The following CDK8 variants were observed in gnomAD, a reference collection of about 807,000 sequenced individuals.
CDK8 encodes cyclin dependent kinase 8.
CDK8 carries 29 observed loss-of-function variants against 71.5 expected under a neutral mutation model. The observed-to-expected ratio is 0.41, with a 90% CI of 0.30 to 0.55. The LOEUF (loss-of-function observed/expected upper bound fraction) is 0.55, where lower values mean the gene tolerates loss of function less well. CDK8 is among the 20% of genes least tolerant of loss of function. The pLI is 0.37. For synonymous variants in CDK8, 161 were observed against 192.1 expected (o/e 0.84, Z 1.34); for missense variants, 288 against 572.6 (o/e 0.50, Z 5.07).
At chr13:26,302,895 T>A (rs1873883180) in intron 1 of CDK8, among the ~76,000 whole-genome samples, 1 of 152,158 alleles carries the variant, frequency 6.6e-6, no homozygotes. Flanking sequence ...AGAGCTGGGA[T>A]CTTGCTTACT....
At chr13:26,286,826 A>G (rs941663119) in intron 1 of CDK8, among the ~76,000 whole-genome samples, 3 of 152,204 alleles carry the variant, frequency 2.0e-5, no homozygotes, top group Non-Finnish European at 4.4e-5. Flanking sequence ...CAATCCCATC[A>G]AAAAGTGGGC....
intron 1 of CDK8, among the ~76,000 whole-genome samples, chr13:26,255,075 C>A (rs541005672): frequency 6.6e-6 from 1 of 151,626 alleles, no homozygotes; most frequent in South Asian, 2.1e-4. Context: ...TCTAAAACGC[C>A]GGGTTAAATG....
intron 1 of CDK8, among the ~76,000 whole-genome samples, chr13:26,303,927 G>T (rs568313147): frequency 1.1e-4 from 17 of 152,048 alleles, no homozygotes; most frequent in Non-Finnish European, 2.5e-4. Context: ...TTTGATGTTT[G>T]CCATGGTGTA....
chr13:26,349,442 T>G lies in CDK8; in HGVS notation c.315+260T>G, dbSNP rs9581648. 6.8e-3 allele frequency among the ~76,000 whole-genome samples: 1,036 copies of G among 152,328 alleles called. 8 individuals carry two copies. The highest frequency in any genetic ancestry group is 0.024 in the Middle Eastern group (7 of 294). On this transcript the variant is annotated intron_variant, in intron 3 of 12. Transcript: ENST00000381527. ...TGTTCAACAACTATTCAATATTGCT[T>G]CATATAGTTTTTTGATAAAATAAAA...
At chr13:26,386,292 C>T (rs1875472405) in intron 6 of CDK8, among the ~76,000 whole-genome samples, 1 of 152,184 alleles carries the variant, frequency 6.6e-6, no homozygotes, top group African/African-American at 2.4e-5. Context: ...CTTTCACCAT[C>T]GCTTGTCCAT....
At chr13:26,385,081 G>C (rs192578904) in intron 5 of CDK8, 130 bp from the exon 6 acceptor site, 33 of 704,438 alleles carry the variant, frequency 4.7e-5, no homozygotes, top group Non-Finnish European at 7.3e-5. Flanking sequence ...TAAAATGGAT[G>C]TTTTGTGGGT....
At chr13:26,318,937 A>G (rs1401440199) in intron 1 of CDK8, among the ~76,000 whole-genome samples, 3 of 152,206 alleles carry the variant, frequency 2.0e-5, no homozygotes, top group Non-Finnish European at 4.4e-5. Flanking sequence ...ACTTCTGTGC[A>G]TTATAGTACT....
At chr13:26,368,642 C>T (rs1472238397) in intron 4 of CDK8, among the ~76,000 whole-genome samples, 1 of 152,150 alleles carries the variant, frequency 6.6e-6, no homozygotes, top group East Asian at 1.9e-4. Context: ...GACTTATTCA[C>T]TAATACAGTG....
At chr13:26,291,139 G>C (rs1346698325) in intron 1 of CDK8, among the ~76,000 whole-genome samples, 2 of 149,236 alleles carry the variant, frequency 1.3e-5, no homozygotes, top group African/African-American at 4.9e-5. Flanking sequence ...AAAAAATTCT[G>C]CATGTTTAGG....
intron 4 of CDK8, among the ~76,000 whole-genome samples, chr13:26,374,270 AAAG>A (rs67924458): frequency 0.048 from 7,256 of 152,082 alleles, 236 homozygotes; most frequent in South Asian, 0.069. Context: ...ATTTCACAAT[AAAG>A]AAGGGCCTTG....
intron 2 of CDK8, among the ~76,000 whole-genome samples, chr13:26,340,649 A>G (rs1873201194): frequency 6.6e-6 from 1 of 152,188 alleles, no homozygotes; most frequent in South Asian, 2.1e-4. Flanking sequence ...CGTCCCCAGC[A>G]TTCACCTCCA....
intron 9 of CDK8, among the ~76,000 whole-genome samples, chr13:26,398,833 A>G (rs112236234): frequency 0.02 from 3,031 of 151,850 alleles, 92 homozygotes; most frequent in African/African-American, 0.066. Context: ...GTGTGGTGGT[A>G]CATGCCTGTA....
intron 1 of CDK8, among the ~76,000 whole-genome samples, chr13:26,289,636 C>T (rs1011322445): frequency 1.2e-4 from 18 of 151,918 alleles, no homozygotes; most frequent in African/African-American, 3.9e-4. Context: ...CTGCAAGCTC[C>T]GCCTCCCGGG....
At chr13:26,340,462 T>A (rs1011361248) in intron 2 of CDK8, among the ~76,000 whole-genome samples, 4 of 150,240 alleles carry the variant, frequency 2.7e-5, no homozygotes, top group Admixed American at 6.6e-5. Flanking sequence ...ATAAATAAAT[T>A]AAGTTTGTCT....
intron 1 of CDK8, among the ~76,000 whole-genome samples, chr13:26,267,072 A>C (rs932853869): frequency 2.0e-5 from 3 of 152,218 alleles, no homozygotes; most frequent in African/African-American, 4.8e-5. Context: ...AATATTATGC[A>C]TCTTTCCATG....
chr13:26,325,200 C>A (rs974492343), intron 1 of CDK8, among the ~76,000 whole-genome samples: 1 of 152,078 alleles, frequency 6.6e-6, no homozygotes, highest in Non-Finnish European at 1.5e-5. Context: ...GAAATTCCCA[C>A]AAATCTAGAA....
chr13:26,300,989 G>C (rs377181935), intron 1 of CDK8, among the ~76,000 whole-genome samples: 1 of 152,046 alleles, frequency 6.6e-6, no homozygotes, highest in Non-Finnish European at 1.5e-5. Flanking sequence ...TTTCCATTGT[G>C]GTGATTTTGT....
chr13:26,313,090 T>A (rs996678914), intron 1 of CDK8, among the ~76,000 whole-genome samples: 4 of 152,238 alleles, frequency 2.6e-5, no homozygotes, highest in Non-Finnish European at 2.9e-5. Flanking sequence ...CCAGGTCAGA[T>A]TGGTTATTGT....
At chr13:26,259,986 A>G (rs1871701855) in intron 1 of CDK8, among the ~76,000 whole-genome samples, 3 of 152,186 alleles carry the variant, frequency 2.0e-5, no homozygotes, top group Admixed American at 2.0e-4. Flanking sequence ...CCAACTGGTT[A>G]AGGTTTTTAG....
Sources: allele counts gnomAD v4.1 joint callset (sites outside exome capture counted in the v4.1 genomes callset), GRCh38; gene constraint gnomAD v4.1.1; transcripts MANE v1.5; gene names NCBI Gene and HGNC (gene_info 2026-07-23, HGNC 2026-07-21).